Variants in PAPPA2 observed in about 807,000 individuals in gnomAD.
PAPPA2 encodes the protein pappalysin 2.
Under a neutral mutation model 176.4 loss-of-function variants are expected in PAPPA2, and 86 were observed. The observed-to-expected ratio is 0.49, with a 90% CI of 0.41 to 0.58. PAPPA2 has a LOEUF of 0.58. PAPPA2 is among the 20% of genes least tolerant of loss of function. PAPPA2 has a pLI of 0.00. For synonymous variants in PAPPA2, 809 were observed against 852.2 expected, an observed-to-expected ratio of 0.95 and a Z score of 0.88; for missense variants, 2,073 against 2,256.9, an observed-to-expected ratio of 0.92 and a Z score of 1.65.
chr1:176,829,535 C>T (rs1667005920), intron 21 of PAPPA2, among the ~76,000 whole-genome samples: 1 of 152,204 alleles, frequency 6.6e-6, no homozygotes, highest in Non-Finnish European at 1.5e-5. Context: ...CTCAGCCTCC[C>T]ATGAACTGAA....
intron 12 of PAPPA2, among the ~76,000 whole-genome samples, chr1:176,720,802 G>A (rs2102848843): frequency 6.6e-6 from 1 of 152,244 alleles, no homozygotes; most frequent in South Asian, 2.1e-4. Flanking sequence ...CAGAACCAAG[G>A]AAGCCAATGG....
chr1:176,570,810 C>CTA (rs1408792059), intron 2 of PAPPA2, among the ~76,000 whole-genome samples: 2 of 152,012 alleles, frequency 1.3e-5, no homozygotes, highest in African/African-American at 4.8e-5. Context: ...AACTTAGCAG[C>CTA]TATGTCCTCT....
At chr1:176,825,095 T>A (rs1385917036) in intron 21 of PAPPA2, among the ~76,000 whole-genome samples, 1 of 152,216 alleles carries the variant, frequency 6.6e-6, no homozygotes, top group Non-Finnish European at 1.5e-5. Context: ...TAGTGCTTCC[T>A]CGGAGACTTA....
At chr1:176,666,554 A>AATAT (rs1227611501) in intron 3 of PAPPA2, among the ~76,000 whole-genome samples, 1 of 133,438 alleles carries the variant, frequency 7.5e-6, no homozygotes, top group African/African-American at 2.9e-5. Flanking sequence ...TAAGGAAGTA[A>AATAT]ATATATATGT....
At chr1:176,834,797 CCG>C (rs997160982) in intron 21 of PAPPA2, among the ~76,000 whole-genome samples, 23 of 152,188 alleles carry the variant, frequency 1.5e-4, no homozygotes, top group African/African-American at 5.3e-4. Flanking sequence ...TGGTGAAACC[CCG>C]TCTCTACTAG....
At chr1:176,815,720 C>T (rs572242001) in intron 21 of PAPPA2, among the ~76,000 whole-genome samples, 2 of 143,640 alleles carry the variant, frequency 1.4e-5, no homozygotes, top group Middle Eastern at 3.6e-3. Context: ...TCAATCAACA[C>T]GTGCAAGATC....
Position 176,706,453 on chromosome 1 carries a change from A to C in PAPPA2, c.3457+3A>C, listed in dbSNP as rs779926804. ...GGAGGAAGGTTTCAACTGTGTAGGT[A>C]AGTTCAAGAGTTTCAGTCTAAGATT... On this transcript the variant is annotated splice_donor_region_variant and intron_variant, in intron 10 of 22. Coordinates refer to ENST00000367662, the MANE Select transcript of PAPPA2 (RefSeq NM_020318.3). 2 of 1,612,608 alleles carry C rather than the reference A, an allele frequency of 1.2e-6. No individual in the cohort carries two copies. The highest frequency in any genetic ancestry group is 1.7e-6 in the Non-Finnish European group (2 of 1,178,980).
chr1:176,813,132 T>C (rs1666228873), intron 21 of PAPPA2, among the ~76,000 whole-genome samples: 1 of 152,244 alleles, frequency 6.6e-6, no homozygotes, highest in Admixed American at 6.5e-5. Flanking sequence ...CATTCCTTTT[T>C]ATGGCTGCAT....
Position 176,733,392 on chromosome 1 carries a change from C to A in PAPPA2, c.3799-6234C>A, listed in dbSNP as rs189292692. 6.6e-5 allele frequency among the ~76,000 whole-genome samples: 10 copies of A among 152,286 alleles called. No individual in the cohort carries two copies. The East Asian group carries it at 1.9e-3, about 29-fold the overall frequency. On this transcript the variant is annotated intron_variant, in intron 12 of 22. Transcript: ENST00000367662. ...CAGATGACTGTGTGTACGTGAATCT[C>A]ATTTCCATCAAAAACTAACTGAGTG...
intron 1 of PAPPA2, among the ~76,000 whole-genome samples, chr1:176,520,032 A>C (rs1400516818): frequency 1.3e-5 from 2 of 152,184 alleles, no homozygotes; most frequent in African/African-American, 4.8e-5. Flanking sequence ...CTTGGGGCAA[A>C]GTCTTAGAAG....
At position 176,692,255 on chromosome 1, in the gene PAPPA2, G is replaced by A. The variant is rs757580129; in HGVS notation, c.2561G>A (p.Gly854Glu). 1.1e-5 allele frequency: 17 copies of A among 1,613,892 alleles called. No individual in the cohort carries two copies. The Admixed American group carries it at 2.7e-4, about 25-fold the overall frequency. ...ATCCCCATTCCACCTATGGTCATCG[G>A]ACAGACCAACAAGTCCCTCACTATC... ...TPIPIPPMVI[G>E]QTNKSLTIHW... Residue 854 changes from glycine (G) to glutamate (E), a missense_variant, in exon 6 of 23, where the codon GGA (glycine) becomes GAA (glutamate). This residue lies in a region of PAPPA2 where 1,196 missense variants were observed against 1,330.4 expected (regional missense o/e 0.90). Transcript: ENST00000367662.
chr1:176,514,842 C>G (rs962574316), intron 1 of PAPPA2, among the ~76,000 whole-genome samples: 1 of 152,228 alleles, frequency 6.6e-6, no homozygotes, highest in African/African-American at 2.4e-5. Context: ...TTGTGCATAT[C>G]TCTGGTAGAG....
intron 1 of PAPPA2, among the ~76,000 whole-genome samples, chr1:176,523,419 A>G (rs1649309843): frequency 1.3e-5 from 2 of 152,192 alleles, no homozygotes; most frequent in African/African-American, 4.8e-5. Context: ...TCTGAAAGTA[A>G]GACTGTGTCA....
rs142441599 is a variant in PAPPA2, at chr1:176,657,232, G to T, written c.1992-13738G>T. Among the ~76,000 whole-genome samples the T allele has an allele frequency of 3.0e-3, 455 of 152,072 alleles. 4 individuals are homozygous for T. The highest frequency in any genetic ancestry group is 0.011 in the African/African-American group (443 of 41,520). On this transcript the variant is annotated intron_variant, in intron 3 of 22. Transcript: ENST00000367662. ...TATACCAAAATCTGTCAGATGAAAA[G>T]AAGTTATCCTGGAGATAGGCATGGA...
At chr1:176,685,546 T>G (rs1274213445) in intron 4 of PAPPA2, among the ~76,000 whole-genome samples, 1 of 152,224 alleles carries the variant, frequency 6.6e-6, no homozygotes, top group East Asian at 1.9e-4. Context: ...GCTGGTTCAT[T>G]TGAATATTAA....
At chr1:176,568,198 A>G (rs1279024883) in intron 2 of PAPPA2, among the ~76,000 whole-genome samples, 1 of 152,254 alleles carries the variant, frequency 6.6e-6, no homozygotes, top group Non-Finnish European at 1.5e-5. Context: ...GGTCATCTAA[A>G]GTAGGAGACA....
rs556938152 is a variant in PAPPA2 at position 176,834,104 on chromosome 1, G to A, written c.5203-6069G>A. Among the ~76,000 whole-genome samples, 10 of 152,214 alleles carry A rather than the reference G, an allele frequency of 6.6e-5. No homozygotes were observed. The South Asian group carries it at 1.9e-3, about 28-fold the overall frequency. The stretch of plus-strand genomic sequence containing the variant: ...GGACAATCATATTTATTTATTTGTT[G>A]ACAACCTACATCAGTCACTAAACTA... On this transcript the variant is annotated intron_variant, in intron 21 of 22. Coordinates refer to ENST00000367662, the MANE Select transcript of PAPPA2 (RefSeq NM_020318.3).
chr1:176,777,032 ATGCTT>A (rs1664484572), intron 17 of PAPPA2, among the ~76,000 whole-genome samples: 1 of 152,058 alleles, frequency 6.6e-6, no homozygotes, highest in Non-Finnish European at 1.5e-5. Flanking sequence ...TTGGCTAAAA[ATGCTT>A]TTAGTTTCAG....
intron 1 of PAPPA2, among the ~76,000 whole-genome samples, chr1:176,477,484 C>CG (rs1233916669): frequency 2.0e-5 from 3 of 152,152 alleles, no homozygotes; most frequent in African/African-American, 7.2e-5. Flanking sequence ...CAGTGGCTCA[C>CG]GCCTGTAATC....
Sources: gnomAD v4.1 joint callset for allele counts (sites outside exome capture counted in the v4.1 genomes callset) on GRCh38, gnomAD v4.1.1 for gene constraint, gnomAD v4.1.1 regional missense constraint, MANE v1.5 for transcripts, NCBI Gene and HGNC (gene_info 2026-07-23, HGNC 2026-07-21) for gene names.